The following CACNA2D3 variants were observed in gnomAD, a reference collection of about 807,000 sequenced individuals.
CACNA2D3 encodes the protein voltage-dependent calcium channel subunit alpha-2/delta-3.
CACNA2D3 carries 60 observed loss-of-function variants against 160.6 expected under a neutral mutation model. That is an observed-to-expected ratio of 0.37 (90% CI 0.30 to 0.46). The LOEUF is 0.46. CACNA2D3 is among the 20% of genes least tolerant of loss of function. The probability of loss-of-function intolerance (pLI) is 1.00; values close to 1 mark genes in which losing one functional copy is unlikely to be tolerated. For synonymous variants in CACNA2D3, 558 were observed against 492.9 expected (o/e 1.13, Z -1.75); for missense variants, 1,205 against 1,365.0 (o/e 0.88, Z 1.85).
intron 10 of CACNA2D3, among the ~76,000 whole-genome samples, chr3:54,636,713 G>GT (rs1699381068): frequency 6.6e-6 from 1 of 151,980 alleles, no homozygotes; most frequent in Non-Finnish European, 1.5e-5. Context: ...TTGTTGTTTT[G>GT]TAAGGGATTG....
chr3:54,316,443 GT>G (rs1703864786), intron 2 of CACNA2D3, among the ~76,000 whole-genome samples: 1 of 152,154 alleles, frequency 6.6e-6, no homozygotes, highest in African/African-American at 2.4e-5. Context: ...GATTCCAGCA[GT>G]CATTAACATG....
chr3:54,774,039 A>G (rs2107117142), intron 13 of CACNA2D3, among the ~76,000 whole-genome samples: 1 of 152,354 alleles, frequency 6.6e-6, no homozygotes, highest in South Asian at 2.1e-4. Flanking sequence ...ATCTAGCCTG[A>G]ATAATCATAC....
At position 54,638,665 on chromosome 3, in the gene CACNA2D3, G is replaced by C. The variant is rs577190400; in HGVS notation, c.1054-3463G>C. On this transcript the variant is annotated intron_variant, in intron 10 of 37. Coordinates refer to ENST00000474759, the MANE Select transcript of CACNA2D3 (RefSeq NM_018398.3). ...AGGAAGATTTGGGACGAGTTGCACT[G>C]GGCACAGAGACTAGGAAGGGACTGA... 259 of 152,020 alleles carry C rather than the reference G, an allele frequency of 1.7e-3. 5 individuals carry two copies. Among genetic ancestry groups the C allele is most frequent in the Middle Eastern group, 6.8e-3 (2 of 294 alleles). The allele number at this position is 152,020 out of a possible 1,614,324, so 9.4% of individuals were successfully genotyped here. A position where few individuals can be genotyped will look rare whatever the true frequency, so the allele number is the denominator to read the frequency against.
intron 3 of CACNA2D3, among the ~76,000 whole-genome samples, chr3:54,338,316 A>C (rs1292713184): frequency 2.0e-4 from 31 of 152,186 alleles, no homozygotes; most frequent in Admixed American, 2.0e-3. Flanking sequence ...ACTCTAACCC[A>C]CTGCCACATG....
At chr3:54,516,805 A>C (rs956797970) in intron 5 of CACNA2D3, among the ~76,000 whole-genome samples, 10 of 152,128 alleles carry the variant, frequency 6.6e-5, no homozygotes, top group African/African-American at 2.4e-4. Flanking sequence ...GTAGATTTTC[A>C]TGTTCTCTAC....
chr3:54,415,691 C>T (rs572996723), intron 4 of CACNA2D3, among the ~76,000 whole-genome samples: 139 of 152,176 alleles, frequency 9.1e-4, no homozygotes, highest in African/African-American at 3.2e-3. Context: ...TATTCTTCTC[C>T]CTATAATCCT....
At chr3:54,995,998 C>T (rs1475136934) in intron 31 of CACNA2D3, among the ~76,000 whole-genome samples, 1 of 152,230 alleles carries the variant, frequency 6.6e-6, no homozygotes, top group East Asian at 1.9e-4. Flanking sequence ...GTGTGCCTGC[C>T]TGACCCCAGA....
At chr3:54,124,591 C>T (rs1052791316) in intron 2 of CACNA2D3, among the ~76,000 whole-genome samples, 2 of 152,150 alleles carry the variant, frequency 1.3e-5, no homozygotes, top group Admixed American at 1.3e-4. Flanking sequence ...TGCATGCTGC[C>T]TGGTAACCAA....
At chr3:54,699,889 A>T (rs1260922083) in intron 11 of CACNA2D3, among the ~76,000 whole-genome samples, 1 of 152,148 alleles carries the variant, frequency 6.6e-6, no homozygotes, top group Non-Finnish European at 1.5e-5. Context: ...GACAGTTTAT[A>T]TTCTTACTAA....
intron 2 of CACNA2D3, among the ~76,000 whole-genome samples, chr3:54,280,920 C>G (rs893882951): frequency 6.6e-6 from 1 of 152,188 alleles, no homozygotes; most frequent in African/African-American, 2.4e-5. Flanking sequence ...ACTTCCCTTG[C>G]TATGGTGTTG....
chr3:55,037,117 T>A (rs1703836952), intron 35 of CACNA2D3, among the ~76,000 whole-genome samples: 1 of 152,196 alleles, frequency 6.6e-6, no homozygotes. Flanking sequence ...TACCCAAAGC[T>A]AGACTCTTTC....
rs149025912 is a variant in CACNA2D3 at position 54,369,864 on chromosome 3, A to G, written c.322-16851A>G. On this transcript the variant is annotated intron_variant, in intron 3 of 37. Coordinates refer to ENST00000474759, the MANE Select transcript of CACNA2D3 (RefSeq NM_018398.3). ...TGCATTAGGCATAGTTATTATATTT[A>G]TTATTACTAGATGTGACAACAAATT... Among the ~76,000 whole-genome samples the G allele has an allele frequency of 3.4e-4, 52 of 152,258 alleles. No homozygotes were observed. The East Asian group carries it at 8.9e-3, about 26-fold the overall frequency.
intron 2 of CACNA2D3, among the ~76,000 whole-genome samples, chr3:54,310,673 G>A (rs1463783610): frequency 1.2e-4 from 18 of 152,098 alleles, no homozygotes; most frequent in African/African-American, 2.4e-4. Flanking sequence ...TTGGTTGCAC[G>A]TTTCTTCTTA....
intron 4 of CACNA2D3, among the ~76,000 whole-genome samples, chr3:54,451,635 A>AT (rs1411622641): frequency 6.6e-6 from 1 of 152,088 alleles, no homozygotes; most frequent in Non-Finnish European, 1.5e-5. Flanking sequence ...GTGCTATCGC[A>AT]TTTTTTGCTA....
At chr3:54,177,007 A>T (rs138025051) in intron 2 of CACNA2D3, among the ~76,000 whole-genome samples, 134 of 152,192 alleles carry the variant, frequency 8.8e-4, no homozygotes, top group Non-Finnish European at 1.7e-3. Flanking sequence ...CAACTTGGGG[A>T]TGATAGTAGG....
Position 54,569,865 on chromosome 3 carries a change from G to A in CACNA2D3, c.737+10G>A. 6.2e-7 allele frequency: 1 copy of A among 1,610,232 alleles called. No individual in the cohort carries two copies. Among genetic ancestry groups the A allele is most frequent in the Non-Finnish European group, 8.5e-7 (1 of 1,177,798 alleles). On this transcript the variant is annotated intron_variant, in intron 7 of 37. Coordinates refer to ENST00000474759, the MANE Select transcript of CACNA2D3 (RefSeq NM_018398.3). ...GCAGGAACCGAAAATGGTAGGCAGT[G>A]GTCAGACCTCTTTGTTATTTCTCAA... is the stretch of plus-strand genomic sequence containing the variant.
chr3:54,909,130 G>A (rs781675022), intron 27 of CACNA2D3, among the ~76,000 whole-genome samples: 3 of 152,104 alleles, frequency 2.0e-5, no homozygotes, highest in Admixed American at 6.5e-5. Flanking sequence ...TGTCTGTGTG[G>A]TTACACAGAA....
intron 3 of CACNA2D3, among the ~76,000 whole-genome samples, chr3:54,352,385 A>G (rs1022683093): frequency 1.3e-5 from 2 of 152,236 alleles, no homozygotes; most frequent in South Asian, 2.1e-4. Context: ...TCCTTGGAGT[A>G]GTAGTATTAT....
chr3:54,137,655 T>A (rs1699839267), intron 2 of CACNA2D3, among the ~76,000 whole-genome samples: 1 of 152,228 alleles, frequency 6.6e-6, no homozygotes, highest in African/African-American at 2.4e-5. Context: ...GAAACATGTT[T>A]CATGAAACAT....
Sources: gnomAD v4.1 joint callset for allele counts (sites outside exome capture counted in the v4.1 genomes callset) on GRCh38, gnomAD v4.1.1 for gene constraint, MANE v1.5 for transcripts, NCBI Gene and HGNC (gene_info 2026-07-23, HGNC 2026-07-21) for gene names.